ANKRD22: variants seen among roughly 807,000 people sequenced by gnomAD.
ANKRD22 encodes ankyrin repeat domain 22.
In ANKRD22, 24 loss-of-function variants were observed where a neutral mutation model predicts 25.7. The ratio of observed to expected loss-of-function variants is 0.93; its 90% CI spans 0.68 to 1.31. The LOEUF is 1.31. Ranked by LOEUF, ANKRD22 falls within the 50% of genes most tolerant of loss-of-function variation. The probability of loss-of-function intolerance (pLI) is 0.00; values close to 1 mark genes in which losing one functional copy is unlikely to be tolerated. For missense variants in ANKRD22, 214 were observed against 227.1 expected (o/e 0.94, Z 0.37); for synonymous variants, 84 against 84.3 (o/e 1.00, Z 0.02).
intron 2 of ANKRD22, 55 bp downstream of exon 2, chr10:88,831,778 CAA>C: frequency 6.8e-7 from 1 of 1,479,542 alleles, no homozygotes; most frequent in Non-Finnish European, 9.0e-7. Flanking sequence ...TCTAGTGATT[CAA>C]AGAGAAAAGA....
intron 1 of ANKRD22, among the ~76,000 whole-genome samples, chr10:88,848,370 C>G (rs1411363880): frequency 6.6e-6 from 1 of 151,922 alleles, no homozygotes; most frequent in African/African-American, 2.4e-5. Flanking sequence ...ATCATTTTCT[C>G]TCTGAACTTT....
chr10:88,830,987 C>T (rs556186575), intron 2 of ANKRD22, among the ~76,000 whole-genome samples: 2 of 152,242 alleles, frequency 1.3e-5, no homozygotes, highest in African/African-American at 4.8e-5. Context: ...ATAAAAAAGT[C>T]CAGTAATGAT....
In ANKRD22 at chr10:88,851,640, A is replaced by G. The variant is rs763435235; in HGVS notation, c.-33T>C. ...CTTCACAGGCTTACTTCACCTCTAC[A>G]GCTCCTTGAATCTTCTGGAGGTATT... On this transcript the variant is annotated 5_prime_UTR_variant, in exon 1 of 6. Transcript: ENST00000371930. 6.2e-7 allele frequency: 1 copy of G among 1,612,042 alleles called. No individual in the cohort carries two copies. The highest frequency in any genetic ancestry group is 8.5e-7 in the Non-Finnish European group (1 of 1,178,420).
intron 1 of ANKRD22, among the ~76,000 whole-genome samples, chr10:88,838,341 G>A (rs996348260): frequency 3.3e-5 from 5 of 152,140 alleles, no homozygotes; most frequent in Admixed American, 6.6e-5. Context: ...AATGAGAGGA[G>A]AGTGGTTTAC....
chr10:88,832,211 A>G (rs1486119982), intron 1 of ANKRD22, among the ~76,000 whole-genome samples, 185 bp from the exon 2 acceptor site: 1 of 152,182 alleles, frequency 6.6e-6, no homozygotes, highest in African/African-American at 2.4e-5. Flanking sequence ...GAATTAGCCC[A>G]TGAGGAACCT....
chr10:88,828,954 G>GA (rs1202749839), intron 2 of ANKRD22, among the ~76,000 whole-genome samples: 5 of 151,734 alleles, frequency 3.3e-5, no homozygotes, highest in Non-Finnish European at 7.4e-5. Context: ...TTAGTTTTTG[G>GA]AAAAAAAGAT....
rs778782394 is a variant in ANKRD22, at chr10:88,820,120, A to G, written c.*2821T>C. 7 of 845,822 alleles carry G rather than the reference A, an allele frequency of 8.3e-6. No individual in the cohort carries two copies. The highest frequency in any genetic ancestry group is 1.3e-5 in the Non-Finnish European group (7 of 553,882). 52.4% of individuals were successfully genotyped at this position (845,822 alleles called of 1,614,324 possible). ...ACAGAGTTGTGTGGCTCTAACACCC[A>G]TGTACCCTTCACCACAACAGATGGC... On this transcript the variant is annotated 3_prime_UTR_variant, in exon 6 of 6. Transcript: ENST00000371930.
Position 88,839,334 on chromosome 10 carries a change from A to G in ANKRD22, c.22-7308T>C, listed in dbSNP as rs140465970. Among the ~76,000 whole-genome samples, 931 of 152,242 alleles carry G rather than the reference A, an allele frequency of 6.1e-3. 10 individuals are homozygous for G. Among genetic ancestry groups the G allele is most frequent in the African/African-American group, 0.021 (859 of 41,538 alleles). ...GGTGTAATGTGCCCAAGTTCCTAGA[A>G]AGTGAGGTATCTATGACTTTTACCT... On this transcript the variant is annotated intron_variant, in intron 1 of 5. Coordinates refer to ENST00000371930, the MANE Select transcript of ANKRD22 (RefSeq NM_144590.3).
Position 88,831,832 on chromosome 10 carries a change from C to G in ANKRD22, c.213+3G>C, listed in dbSNP as rs374557171. On this transcript the variant is annotated splice_donor_region_variant and intron_variant, in intron 2 of 5. Transcript: ENST00000371930. Reference sequence around the variant, plus strand: ...ACACTCTCCATTCATGTCATGACCTCACCTGGTTTTTGAGGTTGACATTAG... The same window carrying G: ...ACACTCTCCATTCATGTCATGACCTGACCTGGTTTTTGAGGTTGACATTAG... The G allele has an allele frequency of 1.9e-6, 3 of 1,603,352 alleles. No homozygotes were observed. In the Admixed American group the frequency reaches 5.2e-5, roughly 28 times the overall value.
In ANKRD22 at chr10:88,821,741, T is replaced by C. The variant is rs1843797677; in HGVS notation, c.*1200A>G. Reference sequence around the variant, plus strand: ...GATGGTAAATCTTTCATTCTTATACTGTACTTGTTACCACATACAAAGAGG... The same window carrying C: ...GATGGTAAATCTTTCATTCTTATACCGTACTTGTTACCACATACAAAGAGG... On this transcript the variant is annotated 3_prime_UTR_variant, in exon 6 of 6. Transcript: ENST00000371930. Among the ~76,000 whole-genome samples the C allele has an allele frequency of 6.6e-6, 1 of 152,368 alleles. No individual in the cohort carries two copies. Among genetic ancestry groups the C allele is most frequent in the East Asian group, 1.9e-4 (1 of 5,194 alleles).
At chr10:88,846,666 G>A (rs370342032) in intron 1 of ANKRD22, among the ~76,000 whole-genome samples, 1 of 152,194 alleles carries the variant, frequency 6.6e-6, no homozygotes, top group African/African-American at 2.4e-5. Context: ...AAAATAGTGA[G>A]AATTCAAGCT....
intron 1 of ANKRD22, among the ~76,000 whole-genome samples, chr10:88,846,014 A>T (rs1844044898): frequency 6.6e-6 from 1 of 152,134 alleles, no homozygotes; most frequent in Admixed American, 6.6e-5. Context: ...CATTTCAGCT[A>T]TTTCACCATT....
intron 1 of ANKRD22, among the ~76,000 whole-genome samples, chr10:88,839,571 A>G (rs919624422): frequency 1.3e-5 from 2 of 152,128 alleles, no homozygotes; most frequent in Admixed American, 6.6e-5. Context: ...CTGCAGCAGG[A>G]AATATACAGA....
At chr10:88,850,788 C>T (rs1224011585) in intron 1 of ANKRD22, among the ~76,000 whole-genome samples, 1 of 152,046 alleles carries the variant, frequency 6.6e-6, no homozygotes, top group Non-Finnish European at 1.5e-5. Context: ...ACACACATGG[C>T]ATTAGAAATA....
intron 1 of ANKRD22, among the ~76,000 whole-genome samples, chr10:88,848,300 G>GAATA (rs1236845182): frequency 1.3e-5 from 2 of 151,512 alleles, no homozygotes; most frequent in Non-Finnish European, 2.9e-5. Context: ...ATGGGTGAAT[G>GAATA]AATAAATAAA....
chr10:88,830,967 G>A lies in ANKRD22; in HGVS notation c.213+868C>T, dbSNP rs78172841. Among the ~76,000 whole-genome samples, 1,567 of 152,246 alleles carry A rather than the reference G, an allele frequency of 0.01. 56 individuals carry two copies. The East Asian group carries it at 0.15, about 14-fold the overall frequency. On this transcript the variant is annotated intron_variant, in intron 2 of 5. Coordinates refer to ENST00000371930, the MANE Select transcript of ANKRD22 (RefSeq NM_144590.3). The stretch of plus-strand genomic sequence containing the variant: ...TTTAATCGCAACCAAACCAAAAATA[G>A]TAAGCATAAATAAAAAAGTCCAGTA...
In ANKRD22 at chr10:88,820,628, C is replaced by A; in HGVS notation, c.*2313G>T. 1.1e-6 allele frequency: 1 copy of A among 876,660 alleles called. No homozygotes were observed. The highest frequency in any genetic ancestry group is 1.7e-5 in the African/African-American group (1 of 59,118). The allele number at this position is 876,660 out of a possible 1,614,324, so 54.3% of individuals were successfully genotyped here. On this transcript the variant is annotated 3_prime_UTR_variant, in exon 6 of 6. Transcript: ENST00000371930. ...GATTCCCTGCACTTGGCACTAAATC[C>A]GACACTTACATTTACATTTTTTTTC...
chr10:88,833,000 A>T (rs1042019987), intron 1 of ANKRD22, among the ~76,000 whole-genome samples: 2 of 152,198 alleles, frequency 1.3e-5, no homozygotes, highest in African/African-American at 2.4e-5. Flanking sequence ...ATTTTATCCA[A>T]GAAGTCTTTT....
intron 1 of ANKRD22, among the ~76,000 whole-genome samples, chr10:88,848,778 A>G (rs1443918212): frequency 1.3e-5 from 2 of 152,126 alleles, no homozygotes; most frequent in African/African-American, 4.8e-5. Flanking sequence ...ATGGCCATTC[A>G]ATTAGTCACA....
Sources: allele counts gnomAD v4.1 joint callset (sites outside exome capture counted in the v4.1 genomes callset), GRCh38; gene constraint gnomAD v4.1.1; transcripts MANE v1.5; gene names NCBI Gene and HGNC (gene_info 2026-07-23, HGNC 2026-07-21).